The following CTTNBP2 variants were observed in gnomAD, a reference collection of about 807,000 sequenced individuals.
The protein encoded by CTTNBP2 is cortactin binding protein 2.
Under a neutral mutation model 156.9 loss-of-function variants are expected in CTTNBP2, and 108 were observed. The observed-to-expected ratio is 0.69, with a 90% confidence interval of 0.59 to 0.81. CTTNBP2 has a LOEUF of 0.81. Ranked by LOEUF, CTTNBP2 falls within the 30% of genes least tolerant of loss-of-function variation. The pLI is 0.00. For missense variants in CTTNBP2, 1,924 were observed against 2,035.4 expected, an observed-to-expected ratio of 0.95 and a Z score of 1.05; for synonymous variants, 767 against 751.8, an observed-to-expected ratio of 1.02 and a Z score of -0.33.
intron 2 of CTTNBP2, among the ~76,000 whole-genome samples, chr7:117,848,878 G>A (rs1190773010): frequency 2.6e-5 from 4 of 152,190 alleles, no homozygotes; most frequent in Non-Finnish European, 5.9e-5. Flanking sequence ...CATTAGAGGT[G>A]TACGTGAATA....
intron 9 of CTTNBP2, among the ~76,000 whole-genome samples, chr7:117,765,919 C>CG (rs1797461488): frequency 6.6e-6 from 1 of 152,132 alleles, no homozygotes; most frequent in Non-Finnish European, 1.5e-5. Flanking sequence ...ACATCAATTG[C>CG]GCTGTCTCAT....
intron 8 of CTTNBP2, among the ~76,000 whole-genome samples, chr7:117,770,906 G>T (rs769752616): frequency 3.9e-4 from 60 of 152,298 alleles, no homozygotes; most frequent in Admixed American, 2.0e-3. Flanking sequence ...CGGAGACAGG[G>T]ATCTAGATGG....
At chr7:117,812,065 T>C (rs1458443953) in intron 2 of CTTNBP2, among the ~76,000 whole-genome samples, 2 of 152,094 alleles carry the variant, frequency 1.3e-5, no homozygotes, top group South Asian at 2.1e-4. Flanking sequence ...CATTAAAATA[T>C]AGTTCACAGA....
intron 4 of CTTNBP2, among the ~76,000 whole-genome samples, chr7:117,788,701 TG>T (rs150044748): frequency 7.8e-4 from 119 of 152,298 alleles, no homozygotes; most frequent in African/African-American, 2.7e-3. Context: ...CATTTATACT[TG>T]AGTTGTAGAG....
chr7:117,811,794 T>C (rs1174414755), intron 2 of CTTNBP2, among the ~76,000 whole-genome samples: 1 of 151,438 alleles, frequency 6.6e-6, no homozygotes, highest in East Asian at 1.9e-4. Context: ...AGAAAATTCT[T>C]TGTGAAATTT....
intron 6 of CTTNBP2, among the ~76,000 whole-genome samples, chr7:117,781,525 A>G (rs1798432957): frequency 6.6e-6 from 1 of 152,160 alleles, no homozygotes; most frequent in South Asian, 2.1e-4. Context: ...CAGATGACGA[A>G]GTCAGGAGAT....
chr7:117,787,991 T>C (rs986362186), intron 4 of CTTNBP2, among the ~76,000 whole-genome samples: 3 of 152,190 alleles, frequency 2.0e-5, no homozygotes, highest in Admixed American at 6.5e-5. Flanking sequence ...GTTTAATGTT[T>C]TGAGACATGG....
chr7:117,731,390 C>A (rs1001367282), intron 16 of CTTNBP2, among the ~76,000 whole-genome samples: 1 of 152,136 alleles, frequency 6.6e-6, no homozygotes, highest in African/African-American at 2.4e-5. Context: ...TTGAATAATG[C>A]CTCCTGAATA....
intron 3 of CTTNBP2, among the ~76,000 whole-genome samples, chr7:117,801,721 C>CTG (rs1799617341): frequency 1.3e-5 from 2 of 151,964 alleles, no homozygotes; most frequent in South Asian, 2.1e-4. Flanking sequence ...GAAAAAACAT[C>CTG]TGTGTGTGTG....
chr7:117,869,503 GGCT>G (rs1321782144), intron 1 of CTTNBP2, among the ~76,000 whole-genome samples: 2 of 152,106 alleles, frequency 1.3e-5, no homozygotes, highest in Admixed American at 6.5e-5. Flanking sequence ...CGGAGGAGGA[GGCT>G]GCTTTCTCCC....
At chr7:117,861,856 T>C (rs1013964507) in intron 1 of CTTNBP2, among the ~76,000 whole-genome samples, 1 of 152,070 alleles carries the variant, frequency 6.6e-6, no homozygotes, top group Non-Finnish European at 1.5e-5. Context: ...TCGTTGTTGT[T>C]GTTTTTCATT....
Position 117,792,671 on chromosome 7 carries a change from G to A in CTTNBP2, c.525C>T (p.Val175=). 1 of 1,613,926 alleles carries A rather than the reference G, an allele frequency of 6.2e-7. No homozygotes were observed. The highest frequency in any genetic ancestry group is 8.5e-7 in the Non-Finnish European group (1 of 1,179,984). The change falls in exon 4 of 23, where the codon GTC becomes GTT. Residue 175 remains valine (V), a synonymous_variant. Transcript: ENST00000160373. This position sits in a 1 kb window ranked among gnomAD's most constrained non-coding sequence, Gnocchi z 4.2. ...TGCCTGAGAGCTGCTTGCACTCTTT[G>A]ACCAGCATCAGGACCACCTGCTTGT... ...GKNKQVVLML[V]KECKQLSGKV...
chr7:117,802,969 GTT>G (rs1448109053), intron 3 of CTTNBP2, among the ~76,000 whole-genome samples: 1 of 152,202 alleles, frequency 6.6e-6, no homozygotes, highest in Non-Finnish European at 1.5e-5. Context: ...GTGGAAAGCA[GTT>G]TGGAGATTTC....
intron 1 of CTTNBP2, among the ~76,000 whole-genome samples, chr7:117,865,505 C>CAG (rs1563078631): frequency 7.8e-6 from 1 of 127,570 alleles, no homozygotes; most frequent in African/African-American, 2.9e-5. Context: ...TACTAAAATA[C>CAG]AAAAAAAAAA....
chr7:117,801,910 T>G (rs1799630040), intron 3 of CTTNBP2, among the ~76,000 whole-genome samples: 1 of 152,144 alleles, frequency 6.6e-6, no homozygotes, highest in African/African-American at 2.4e-5. Context: ...TTTTTTATTT[T>G]TTTATTTTTA....
At chr7:117,786,496 A>G (rs936919328) in intron 4 of CTTNBP2, 1 of 392,202 alleles carries the variant, frequency 2.5e-6, no homozygotes, top group African/African-American at 2.1e-5. Flanking sequence ...AAATGCATAA[A>G]CAGAGAAATT....
chr7:117,720,990 G>A, intron 20 of CTTNBP2, 77 bp downstream of exon 20: 1 of 938,460 alleles, frequency 1.1e-6, no homozygotes, highest in East Asian at 2.4e-5. Flanking sequence ...ATGAGAACAT[G>A]GAACATTTAA....
At chr7:117,784,222 T>A in intron 5 of CTTNBP2, 29 bp downstream of exon 5, 1 of 1,496,532 alleles carries the variant, frequency 6.7e-7, no homozygotes, top group South Asian at 1.3e-5. Context: ...CTTTTGCAAG[T>A]GTGTGGTATA....
intron 16 of CTTNBP2, among the ~76,000 whole-genome samples, chr7:117,731,512 C>G (rs1448852278): frequency 9.2e-5 from 14 of 152,174 alleles, no homozygotes; most frequent in Non-Finnish European, 1.5e-5. Context: ...CCGGTCTTGT[C>G]TCACAGTCCC....
Sources: gnomAD v4.1 joint callset for allele counts (sites outside exome capture counted in the v4.1 genomes callset) on GRCh38, gnomAD v4.1.1 for gene constraint, Gnocchi (gnomAD v3.1) non-coding constraint, MANE v1.5 for transcripts, NCBI Gene and HGNC (gene_info 2026-07-23, HGNC 2026-07-21) for gene names.